CLASP1: variants seen among roughly 807,000 people sequenced by gnomAD.
CLASP1 encodes the protein CLIP-associating protein 1.
Under a neutral mutation model 192.3 loss-of-function variants are expected in CLASP1, and 38 were observed. The observed-to-expected ratio is 0.20, with a 90% confidence interval of 0.15 to 0.26. The LOEUF is 0.26. CLASP1 is among the 10% of genes least tolerant of loss of function. CLASP1 has a pLI of 1.00. For synonymous variants in CLASP1, 691 were observed against 712.8 expected (o/e 0.97, Z 0.49); for missense variants, 1,433 against 1,932.5 (o/e 0.74, Z 4.85).
chr2:121,622,882 C>T (rs2067620555), intron 1 of CLASP1, among the ~76,000 whole-genome samples: 1 of 152,056 alleles, frequency 6.6e-6, no homozygotes, highest in East Asian at 1.9e-4. Flanking sequence ...CCCTAATTGT[C>T]CCGGCTAGAA....
chr2:121,541,340 G>A (rs1160968130), intron 2 of CLASP1, among the ~76,000 whole-genome samples: 1 of 152,092 alleles, frequency 6.6e-6, no homozygotes, highest in Non-Finnish European at 1.5e-5. Flanking sequence ...AAGGTATTTT[G>A]CATGAATCTG....
intron 8 of CLASP1, among the ~76,000 whole-genome samples, chr2:121,482,029 C>CA (rs1419485692): frequency 3.3e-5 from 5 of 152,152 alleles, no homozygotes; most frequent in African/African-American, 1.2e-4. Flanking sequence ...CCACTGTGCC[C>CA]ACCAACCAAC....
At chr2:121,596,792 C>T (rs910400735) in intron 2 of CLASP1, among the ~76,000 whole-genome samples, 1 of 152,188 alleles carries the variant, frequency 6.6e-6, no homozygotes, top group Admixed American at 6.6e-5. Flanking sequence ...CTTCTTTCTC[C>T]GCATGACAGA....
chr2:121,421,125 A>G (rs544507696), intron 22 of CLASP1, among the ~76,000 whole-genome samples: 2 of 152,230 alleles, frequency 1.3e-5, no homozygotes, highest in African/African-American at 4.8e-5. Flanking sequence ...TTACTCATCA[A>G]AGTAAATCTA....
chr2:121,423,103 A>C (rs2079790017), intron 22 of CLASP1, among the ~76,000 whole-genome samples: 1 of 152,158 alleles, frequency 6.6e-6, no homozygotes, highest in Non-Finnish European at 1.5e-5. Flanking sequence ...CACAGGAAAA[A>C]AATGAAAATA....
rs532730558 is a variant in CLASP1 at position 121,530,130 on chromosome 2, G to C, written c.274+117C>G. ...CTGTTTGGGAGGAGCGGAAGGGAGG[G>C]AGAGGGGGCTGGAGGGGAGGCAGGG... is the stretch of plus-strand genomic sequence containing the variant. On this transcript the variant is annotated intron_variant, in intron 3 of 39. Transcript: ENST00000263710. 6.3e-6 allele frequency: 5 copies of C among 797,450 alleles called. No homozygotes were observed. In the East Asian group the frequency reaches 1.4e-4, roughly 23 times the overall value. 49.4% of individuals were successfully genotyped at this position (797,450 alleles called of 1,614,324 possible).
Position 121,382,340 on chromosome 2 carries a change from G to C in CLASP1, c.3375-16C>G. The C allele has an allele frequency of 6.7e-7, 1 of 1,486,016 alleles. No homozygotes were observed. The highest frequency in any genetic ancestry group is 1.3e-5 in the South Asian group (1 of 76,238). The allele number at this position is 1,486,016 out of a possible 1,614,324, so 92.1% of individuals were successfully genotyped here. On this transcript the variant is annotated splice_polypyrimidine_tract_variant and intron_variant, in intron 32 of 39. Coordinates refer to ENST00000263710, the Ensembl canonical transcript of CLASP1. ...CCATAACCGACTGCAGTGATCAGAA[G>C]AGGAAAATCAGAGAGAGAAATACAA... is the stretch of plus-strand genomic sequence containing the variant.
intron 1 of CLASP1, among the ~76,000 whole-genome samples, chr2:121,641,262 T>G (rs913846988): frequency 1.3e-5 from 2 of 151,424 alleles, no homozygotes; most frequent in African/African-American, 4.9e-5. Flanking sequence ...ATGAAGAAAA[T>G]TCGCTAAAAG....
exon 10 of CLASP1, chr2:121,462,596 T>A (rs1482107864): frequency 6.2e-7 from 1 of 1,601,694 alleles, no homozygotes. Flanking sequence ...ACCAGCTCCT[T>A]CTTTTGCAGC....
intron 2 of CLASP1, 149 bp from the exon 3 acceptor site, chr2:121,530,474 A>C: frequency 1.6e-6 from 1 of 609,900 alleles, no homozygotes. Flanking sequence ...AGAGATTAGC[A>C]CGAAGAAGGA....
intron 8 of CLASP1, among the ~76,000 whole-genome samples, chr2:121,493,791 G>A (rs2093419709): frequency 6.6e-6 from 1 of 152,018 alleles, no homozygotes; most frequent in Non-Finnish European, 1.5e-5. Context: ...CAAAAGATCT[G>A]AATAGACATT....
At chr2:121,515,147 A>G (rs762127918) in intron 7 of CLASP1, among the ~76,000 whole-genome samples, 1 of 152,206 alleles carries the variant, frequency 6.6e-6, no homozygotes. Context: ...GTGGACTCCA[A>G]TTGTCTTGGG....
At chr2:121,487,475 T>C in intron 8 of CLASP1, among the ~76,000 whole-genome samples, 1 of 152,220 alleles carries the variant, frequency 6.6e-6, no homozygotes, top group East Asian at 1.9e-4. Flanking sequence ...TAATGTCCTT[T>C]ATCTGCTCCA....
intron 23 of CLASP1, among the ~76,000 whole-genome samples, chr2:121,418,162 CACTTT>C (rs1375306641): frequency 1.2e-4 from 18 of 152,342 alleles, no homozygotes; most frequent in African/African-American, 2.9e-4. Flanking sequence ...AAAGAAAACT[CACTTT>C]ACTTTACTAA....
rs140860182 is a variant in CLASP1 at position 121,481,679 on chromosome 2, A to G, written c.713-11719T>C. ...TTGGTCTCAAACTAATCATTTTGTTACTTCTGTAATAAAACCGGACTCCCA... is the reference window on the plus strand; with the variant it reads ...TTGGTCTCAAACTAATCATTTTGTTGCTTCTGTAATAAAACCGGACTCCCA... On this transcript the variant is annotated intron_variant, in intron 8 of 39. Transcript: ENST00000263710. Among the ~76,000 whole-genome samples, 164 of 152,308 alleles carry G rather than the reference A, an allele frequency of 1.1e-3. 2 individuals are homozygous for G. Among genetic ancestry groups the G allele is most frequent in the African/African-American group, 3.4e-3 (141 of 41,566 alleles).
chr2:121,572,752 AT>A (rs34873757), intron 2 of CLASP1, among the ~76,000 whole-genome samples: 2 of 151,224 alleles, frequency 1.3e-5, no homozygotes, highest in Non-Finnish European at 2.9e-5. Flanking sequence ...ATATATGATA[AT>A]TTTTTTTTAA....
chr2:121,610,658 TGGA>T (rs1459986468), intron 1 of CLASP1, among the ~76,000 whole-genome samples: 5 of 45,160 alleles, frequency 1.1e-4, no homozygotes, highest in African/African-American at 4.3e-4. Flanking sequence ...GAAGAGGAAC[TGGA>T]GGAGGAGGAG....
At chr2:121,574,705 G>A (rs1395871320) in intron 2 of CLASP1, among the ~76,000 whole-genome samples, 25 of 151,060 alleles carry the variant, frequency 1.7e-4, no homozygotes, top group Admixed American at 1.5e-3. Context: ...TTGGGAGGCC[G>A]AGGCAGGCGG....
intron 37 of CLASP1, among the ~76,000 whole-genome samples, chr2:121,359,844 G>A (rs2066036479): frequency 6.6e-6 from 1 of 152,210 alleles, no homozygotes; most frequent in Non-Finnish European, 1.5e-5. Context: ...GAACATGTAT[G>A]TTAGCTTTGG....
Sources: allele counts gnomAD v4.1 joint callset (sites outside exome capture counted in the v4.1 genomes callset), GRCh38; gene constraint gnomAD v4.1.1; transcripts MANE v1.5; gene names NCBI Gene and HGNC (gene_info 2026-07-23, HGNC 2026-07-21).